Variants in CSMD1 observed in about 807,000 individuals in gnomAD.
CSMD1 encodes CUB and Sushi multiple domains 1, also known as CUB and sushi domain-containing protein 1.
CSMD1 carries 213 observed loss-of-function variants against 417.5 expected under a neutral mutation model. The ratio of observed to expected loss-of-function variants is 0.51; its 90% CI spans 0.46 to 0.57. The LOEUF is 0.57. Among genes scored for constraint, CSMD1 ranks in the 20% least tolerant of loss-of-function variants. The pLI, the probability that CSMD1 is intolerant of heterozygous loss-of-function variation, is 0.00. For missense variants in CSMD1, 6,923 were observed against 4,529.7 expected (o/e 1.53, Z -15.17); for synonymous variants, 2,862 against 1,736.8 (o/e 1.65, Z -16.11).
intron 2 of CSMD1, among the ~76,000 whole-genome samples, chr8:4,632,511 A>T (rs1802581985): frequency 6.6e-6 from 1 of 152,030 alleles, no homozygotes; most frequent in African/African-American, 2.4e-5. Flanking sequence ...AAACTCCATC[A>T]TGGGGGTAGG....
chr8:3,797,317 A>C (rs1483451855), intron 5 of CSMD1, among the ~76,000 whole-genome samples: 1 of 151,962 alleles, frequency 6.6e-6, no homozygotes, highest in Non-Finnish European at 1.5e-5. Flanking sequence ...TTTGTTATAT[A>C]ATTCAATGAT....
chr8:3,101,673 C>T (rs948309142), intron 46 of CSMD1, among the ~76,000 whole-genome samples: 11 of 152,114 alleles, frequency 7.2e-5, no homozygotes, highest in Non-Finnish European at 1.3e-4. Context: ...GATCCGCTCC[C>T]CTCAGCCTCC....
At chr8:4,828,472 G>A (rs1460055998) in intron 1 of CSMD1, among the ~76,000 whole-genome samples, 1 of 152,082 alleles carries the variant, frequency 6.6e-6, no homozygotes, top group East Asian at 1.9e-4. Context: ...GGGAGCTTCT[G>A]CTGTTTTCTG....
chr8:3,956,657 G>A (rs745511707), intron 5 of CSMD1, among the ~76,000 whole-genome samples: 3 of 152,028 alleles, frequency 2.0e-5, no homozygotes, highest in East Asian at 1.9e-4. Flanking sequence ...TGGATAAGAC[G>A]ACTGAAAATT....
intron 59 of CSMD1, among the ~76,000 whole-genome samples, chr8:2,964,546 TACAAAC>T (rs147676247): frequency 0.11 from 16,964 of 152,164 alleles, 1,044 homozygotes; most frequent in East Asian, 0.29. Flanking sequence ...GTGGTGTTGT[TACAAAC>T]ACAATGGGTA....
At chr8:4,418,970 A>C (rs1281980996) in intron 3 of CSMD1, among the ~76,000 whole-genome samples, 1 of 152,198 alleles carries the variant, frequency 6.6e-6, no homozygotes, top group Non-Finnish European at 1.5e-5. Flanking sequence ...CTGCAAAGAG[A>C]ACCTTCTACA....
At chr8:4,724,258 T>G (rs983832097) in intron 1 of CSMD1, among the ~76,000 whole-genome samples, 1 of 152,106 alleles carries the variant, frequency 6.6e-6, no homozygotes, top group African/African-American at 2.4e-5. Context: ...TCAGGCTGGC[T>G]AATGAATACT....
intron 1 of CSMD1, among the ~76,000 whole-genome samples, chr8:4,988,859 A>G (rs1365932402): frequency 6.6e-6 from 1 of 152,226 alleles, no homozygotes; most frequent in African/African-American, 2.4e-5. Context: ...ATTTCCATAA[A>G]GCTCCCTATA....
chr8:4,663,751 T>G lies in CSMD1; in HGVS notation c.86-26193A>C, dbSNP rs139654956. Reference sequence around the variant, plus strand: ...AATAAATTGCCCAGTCACAGGTAGTTCTTTAAAGTAACGTGAGAATGGACT... The same window carrying G: ...AATAAATTGCCCAGTCACAGGTAGTGCTTTAAAGTAACGTGAGAATGGACT... On this transcript the variant is annotated intron_variant, in intron 1 of 69. Transcript: ENST00000635120. 8.0e-3 allele frequency among the ~76,000 whole-genome samples: 1,216 copies of G among 152,258 alleles called. 15 individuals carry two copies. The highest frequency in any genetic ancestry group is 0.027 in the African/African-American group (1,137 of 41,530).
chr8:4,531,071 G>A lies in CSMD1; in HGVS notation c.302+106271C>T, dbSNP rs140311450. On this transcript the variant is annotated intron_variant, in intron 2 of 69. Transcript: ENST00000635120. ...ATTGTATGATACTCTATCATTTTTT[G>A]TTACTATAAAACTGATTAACCTGGC... Among the ~76,000 whole-genome samples, 985 of 152,170 alleles carry A rather than the reference G, an allele frequency of 6.5e-3. 3 individuals are homozygous for A. Among genetic ancestry groups the A allele is most frequent in the African/African-American group, 0.017 (702 of 41,498 alleles).
At chr8:4,771,994 C>G (rs1035333838) in intron 1 of CSMD1, among the ~76,000 whole-genome samples, 2 of 152,130 alleles carry the variant, frequency 1.3e-5, no homozygotes, top group African/African-American at 4.8e-5. Flanking sequence ...CAAACAAGAC[C>G]CATGTCTCGT....
intron 4 of CSMD1, among the ~76,000 whole-genome samples, chr8:3,998,311 A>G (rs1487075485): frequency 6.6e-6 from 1 of 152,216 alleles, no homozygotes; most frequent in Admixed American, 6.5e-5. Context: ...AAATTATCTT[A>G]TTAATTGAAT....
intron 2 of CSMD1, among the ~76,000 whole-genome samples, chr8:4,471,736 G>A (rs554926148): frequency 8.7e-5 from 10 of 114,582 alleles, no homozygotes; most frequent in South Asian, 2.8e-4. Flanking sequence ...AACACGCGGA[G>A]AAAAGAAGTT....
chr8:4,034,296 T>C (rs1270921139), intron 3 of CSMD1, among the ~76,000 whole-genome samples: 1 of 152,230 alleles, frequency 6.6e-6, no homozygotes, highest in African/African-American at 2.4e-5. Flanking sequence ...TGAATATTAT[T>C]GACATGTTTA....
intron 10 of CSMD1, among the ~76,000 whole-genome samples, chr8:3,547,853 C>T (rs931531791): frequency 6.6e-6 from 1 of 152,086 alleles, no homozygotes; most frequent in Non-Finnish European, 1.5e-5. Context: ...AGGAATTTCG[C>T]TAGGTCATTT....
At chr8:4,212,531 G>T in intron 3 of CSMD1, among the ~76,000 whole-genome samples, 1 of 151,984 alleles carries the variant, frequency 6.6e-6, no homozygotes, top group South Asian at 2.1e-4. Context: ...ATAAAATTTT[G>T]AAATTTGTAG....
chr8:4,978,429 T>G (rs1384866242), intron 1 of CSMD1, among the ~76,000 whole-genome samples: 1 of 152,114 alleles, frequency 6.6e-6, no homozygotes, highest in East Asian at 1.9e-4. Flanking sequence ...TATGTTTAAG[T>G]CAAAGAATTG....
In CSMD1 at chr8:3,377,395, C is replaced by T. The variant is rs538103699; in HGVS notation, c.2783-8025G>A. Among the ~76,000 whole-genome samples, 18 of 152,144 alleles carry T rather than the reference C, an allele frequency of 1.2e-4. No homozygotes were observed. The South Asian group carries it at 1.9e-3, about 16-fold the overall frequency. On this transcript the variant is annotated intron_variant, in intron 18 of 69. Transcript: ENST00000635120. ...ATTACAGTCATGCTATTGATTCCTT[C>T]GAAAGGTTTAAATCTCAAATTTACA... is the stretch of plus-strand genomic sequence containing the variant.
rs1399019943 is a variant in CSMD1 at position 4,267,029 on chromosome 8, G to C, written c.415+152924C>G. On this transcript the variant is annotated intron_variant, in intron 3 of 69. Transcript: ENST00000635120. ...TTACAAAACAAAAGCATAAAACCTAGTAATGTAACAGAAACCATTCCTGTT... is the reference window on the plus strand; with the variant it reads ...TTACAAAACAAAAGCATAAAACCTACTAATGTAACAGAAACCATTCCTGTT... 7.7e-5 allele frequency among the ~76,000 whole-genome samples: 8 copies of C among 103,562 alleles called. 1 individual carries two copies. The highest frequency in any genetic ancestry group is 2.7e-4 in the Admixed American group (3 of 10,970). The allele number at this position is 103,562 out of a possible 152,430, so 67.9% of individuals were successfully genotyped here.
Sources: allele counts gnomAD v4.1 joint callset (sites outside exome capture counted in the v4.1 genomes callset), GRCh38; gene constraint gnomAD v4.1.1; transcripts MANE v1.5; gene names NCBI Gene and HGNC (gene_info 2026-07-23, HGNC 2026-07-21).